The following CCNF variants were observed in gnomAD, a reference collection of about 807,000 sequenced individuals.
CCNF encodes the protein cyclin F, also known as cyclin-F.
A neutral mutation model predicts 85.4 loss-of-function variants in CCNF; 30 were observed. The observed-to-expected ratio is 0.35, with a 90% confidence interval of 0.26 to 0.48. The LOEUF (loss-of-function observed/expected upper bound fraction) is 0.48, where lower values mean the gene tolerates loss of function less well. CCNF is among the 20% of genes least tolerant of loss of function. CCNF has a pLI of 0.99. For synonymous variants in CCNF, 439 were observed against 425.1 expected (o/e 1.03, Z -0.40); for missense variants, 919 against 1,010.4 (o/e 0.91, Z 1.23).
chr16:2,456,406 C>G lies in CCNF; in HGVS notation c.1886-139C>G. On this transcript the variant is annotated intron_variant, in intron 16 of 16. Transcript: ENST00000397066. The surrounding 1 kb of genome is among the most constrained non-coding windows in gnomAD (Gnocchi z 4.5). ...TGGAAGAGGCATGTCACCCACGCTT[C>G]TCACCACAGGAGGGTAACACAGGGG... The G allele has an allele frequency of 1.9e-6, 1 of 538,196 alleles. No homozygotes were observed. Among genetic ancestry groups the G allele is most frequent in the Non-Finnish European group, 3.1e-6 (1 of 318,162 alleles). 33.3% of individuals were successfully genotyped at this position (538,196 alleles called of 1,614,324 possible).
intron 8 of CCNF, among the ~76,000 whole-genome samples, chr16:2,440,496 T>C (rs944633872): frequency 2.0e-5 from 3 of 151,842 alleles, no homozygotes; most frequent in African/African-American, 7.3e-5. Context: ...AGGCACCTGA[T>C]ACTCAGGAAG....
rs886682111 is a variant in CCNF at position 2,451,414 on chromosome 16, C to T, written c.1487+1499C>T. ...ACAAGCACGGGGCTGAATTTGTACCCGGCCAGCCATCTCCGTCTCCCCTCC... is the reference window on the plus strand; with the variant it reads ...ACAAGCACGGGGCTGAATTTGTACCTGGCCAGCCATCTCCGTCTCCCCTCC... On this transcript the variant is annotated intron_variant, in intron 13 of 16. Transcript: ENST00000397066. The surrounding 1 kb of genome is among the most constrained non-coding windows in gnomAD (Gnocchi z 4.3). Among the ~76,000 whole-genome samples the T allele has an allele frequency of 4.6e-5, 7 of 152,100 alleles. No homozygotes were observed. The highest frequency in any genetic ancestry group is 2.1e-4 in the South Asian group (1 of 4,824).
chr16:2,441,966 TA>T lies in CCNF; in HGVS notation c.778-1682del, dbSNP rs1567385691. ...ATATATATATATATATATATATATA[TA>T]TATATATATATATATGTTTTTGTTT... On this transcript the variant is annotated intron_variant, in intron 8 of 16. Transcript: ENST00000397066. Among the ~76,000 whole-genome samples the T allele has an allele frequency of 1.3e-3, 176 of 133,922 alleles. 1 individual carries two copies. The highest frequency in any genetic ancestry group is 4.3e-3 in the African/African-American group (154 of 35,464). 87.9% of individuals were successfully genotyped at this position (133,922 alleles called of 152,430 possible).
At chr16:2,433,139 C>A in intron 3 of CCNF, 72 bp downstream of exon 3, 1 of 923,388 alleles carries the variant, frequency 1.1e-6, no homozygotes, top group Middle Eastern at 2.2e-4. Flanking sequence ...CTGTGTCTCA[C>A]GGCCTGATTC....
In CCNF at chr16:2,435,837, G is replaced by T. The variant is rs2065287981; in HGVS notation, c.310G>T (p.Val104Leu). 2 of 1,613,734 alleles carry T rather than the reference G, an allele frequency of 1.2e-6. No individual in the cohort carries two copies. Among genetic ancestry groups the T allele is most frequent in the East Asian group, 2.2e-5 (1 of 44,896 alleles). Residue 104 changes from valine to leucine, a missense_variant, in exon 4 of 17, where the codon GTG becomes TTG. By Grantham distance (32) the Val-to-Leu change is conservative. This residue lies in a region of CCNF where 410 missense variants were observed against 478.6 expected (regional missense o/e 0.86). Transcript: ENST00000397066. ...AAEKGNFEAA[V>L]KLGIAYLYNE... ...TGAAAAGGGGAATTTCGAAGCTGCT[G>T]TGAAGCTGGGCATAGCCTACCTCTA...
chr16:2,442,911 A>T (rs1448040581), intron 8 of CCNF, among the ~76,000 whole-genome samples: 1 of 78,366 alleles, frequency 1.3e-5, no homozygotes, highest in Non-Finnish European at 2.1e-5. Context: ...TATAATATAT[A>T]AATATATATT....
At chr16:2,437,080 T>G (rs1343478140) in intron 4 of CCNF, 49 bp from the exon 5 acceptor site, 7 of 1,445,332 alleles carry the variant, frequency 4.8e-6, no homozygotes, top group Non-Finnish European at 6.5e-6. Context: ...GCTTTCCACA[T>G]TCCGTCCCTA....
At chr16:2,439,107 G>A (rs1468850900) in intron 6 of CCNF, among the ~76,000 whole-genome samples, 1 of 151,464 alleles carries the variant, frequency 6.6e-6, no homozygotes, top group East Asian at 1.9e-4. Flanking sequence ...AGACCAGCCT[G>A]GCCAACATGG....
At position 2,456,492 on chromosome 16, in the gene CCNF, TC is replaced by T; in HGVS notation, c.1886-49del. 7.7e-7 allele frequency: 1 copy of T among 1,291,972 alleles called. No homozygotes were observed. Among genetic ancestry groups the T allele is most frequent in the South Asian group, 1.5e-5 (1 of 67,366 alleles). The allele number at this position is 1,291,972 out of a possible 1,614,324, so 80.0% of individuals were successfully genotyped here. ...CAGGGTCCTGACCTGGCAGGGGGTC[TC>T]CCCTGATGCTTGGGTGTGACATGAC... On this transcript the variant is annotated intron_variant, in intron 16 of 16. Transcript: ENST00000397066. The surrounding 1 kb of genome is among the most constrained non-coding windows in gnomAD (Gnocchi z 4.5).
chr16:2,438,012 G>T, intron 5 of CCNF, 58 bp from the exon 6 acceptor site: 3 of 1,195,324 alleles, frequency 2.5e-6, no homozygotes, highest in South Asian at 1.2e-5. Context: ...CAAGGGAGTG[G>T]TGGCCCCCGG....
At chr16:2,445,854 A>G (rs2065359724) in intron 10 of CCNF, among the ~76,000 whole-genome samples, 1 of 151,536 alleles carries the variant, frequency 6.6e-6, no homozygotes, top group Non-Finnish European at 1.5e-5. Context: ...CAGCCTCCAG[A>G]GTAGCTGGGA....
rs1264439440 is a variant in CCNF at position 2,456,280 on chromosome 16, C to G, written c.1886-265C>G. 1 of 426,110 alleles carries G rather than the reference C, an allele frequency of 2.3e-6. No individual in the cohort carries two copies. Among genetic ancestry groups the G allele is most frequent in the Non-Finnish European group, 4.2e-6 (1 of 239,326 alleles). 26.4% of individuals were successfully genotyped at this position (426,110 alleles called of 1,614,324 possible). ...GAAGCCCAGTTAGTGTGAGTCCTGT[C>G]AGTTTCCCGGTTGCTTGCTTCTGCG... On this transcript the variant is annotated intron_variant, in intron 16 of 16. Transcript: ENST00000397066. The surrounding 1 kb of genome is among the most constrained non-coding windows in gnomAD (Gnocchi z 4.5).
In CCNF at chr16:2,456,285, T is replaced by C. The variant is rs2065427136; in HGVS notation, c.1886-260T>C. On this transcript the variant is annotated intron_variant, in intron 16 of 16. Transcript: ENST00000397066. The surrounding 1 kb of genome is among the most constrained non-coding windows in gnomAD (Gnocchi z 4.5). The stretch of plus-strand genomic sequence containing the variant: ...CCAGTTAGTGTGAGTCCTGTCAGTT[T>C]CCCGGTTGCTTGCTTCTGCGTCCAC... 2 of 431,542 alleles carry C rather than the reference T, an allele frequency of 4.6e-6. No homozygotes were observed. The highest frequency in any genetic ancestry group is 8.2e-6 in the Non-Finnish European group (2 of 242,588). The allele number at this position is 431,542 out of a possible 1,614,324, so 26.7% of individuals were successfully genotyped here.
intron 11 of CCNF, 134 bp downstream of exon 11, chr16:2,449,112 C>T: frequency 6.8e-7 from 1 of 1,475,562 alleles, no homozygotes; most frequent in Non-Finnish European, 9.4e-7. Flanking sequence ...TGCCCAAAGC[C>T]ATGGAGCAGG....
In CCNF at chr16:2,451,790, C is replaced by T. The variant is rs1422826730; in HGVS notation, c.1488-1420C>T. Among the ~76,000 whole-genome samples, 1 of 152,212 alleles carries T rather than the reference C, an allele frequency of 6.6e-6. No homozygotes were observed. Among genetic ancestry groups the T allele is most frequent in the Non-Finnish European group, 1.5e-5 (1 of 68,034 alleles). Reference sequence around the variant, plus strand: ...CGGCTTCCTGCCCTAGGCCATGCGGCCTAGGTGTTGGTCTCCCTTCCCACC... The same window carrying T: ...CGGCTTCCTGCCCTAGGCCATGCGGTCTAGGTGTTGGTCTCCCTTCCCACC... On this transcript the variant is annotated intron_variant, in intron 13 of 16. Coordinates refer to ENST00000397066, the MANE Select transcript of CCNF (RefSeq NM_001761.3). The surrounding 1 kb of genome is among the most constrained non-coding windows in gnomAD (Gnocchi z 4.3).
chr16:2,444,579 C>T (rs1567387270), intron 9 of CCNF, among the ~76,000 whole-genome samples: 1 of 150,160 alleles, frequency 6.7e-6, no homozygotes, highest in Non-Finnish European at 1.5e-5. Flanking sequence ...GGATTACAGG[C>T]GTGAGCCACC....
At chr16:2,442,957 ATT>A (rs1213180716) in intron 8 of CCNF, among the ~76,000 whole-genome samples, 1 of 100,206 alleles carries the variant, frequency 1.0e-5, no homozygotes, top group Admixed American at 1.7e-4. Flanking sequence ...TATATTATAT[ATT>A]TTTATATATT....
In CCNF at chr16:2,441,937, TTATATATATATATATATATATATATATA is replaced by T. The variant is rs55737759; in HGVS notation, c.778-1694_778-1667del. ...ATTTTGGGCTCATGATATTAGCAAA[TTATATATATATATATATATATATATATA>T]TATATATATATATATATGTTTTTGT... is the stretch of plus-strand genomic sequence containing the variant. On this transcript the variant is annotated intron_variant, in intron 8 of 16. Transcript: ENST00000397066. Among the ~76,000 whole-genome samples, 280 of 60,154 alleles carry T rather than the reference TTATATATATATATATATATATATATATA, an allele frequency of 4.7e-3. 7 individuals carry two copies. The highest frequency in any genetic ancestry group is 7.0e-3 in the African/African-American group (89 of 12,762). 39.5% of individuals were successfully genotyped at this position (60,154 alleles called of 152,430 possible). A position where few individuals can be genotyped will look rare whatever the true frequency, so the allele number is the denominator to read the frequency against.
Position 2,445,726 on chromosome 16 carries a change from G to GTTTT in CCNF, c.1094+106_1094+107insTTTT, listed in dbSNP as rs141290345. ...CCTCACTGGTTTGGTTTTGTTTTGTGTTGTTTTTTTTTTTTTCCCGAGACC... is the reference window on the plus strand; with the variant it reads ...CCTCACTGGTTTGGTTTTGTTTTGTGTTTTTTGTTTTTTTTTTTTTCCCGAGACC... On this transcript the variant is annotated intron_variant, in intron 10 of 16. Coordinates refer to ENST00000397066, the MANE Select transcript of CCNF (RefSeq NM_001761.3). The GTTTT allele has an allele frequency of 8.2e-3, 6,842 of 829,376 alleles. 109 individuals are homozygous for GTTTT. Among genetic ancestry groups the GTTTT allele is most frequent in the Middle Eastern group, 0.022 (57 of 2,646 alleles). The allele number at this position is 829,376 out of a possible 1,614,324, so 51.4% of individuals were successfully genotyped here.
Sources: allele counts gnomAD v4.1 joint callset (sites outside exome capture counted in the v4.1 genomes callset), GRCh38; gene constraint gnomAD v4.1.1; regional missense constraint gnomAD v4.1.1; non-coding constraint Gnocchi (gnomAD v3.1); transcripts MANE v1.5; gene names NCBI Gene and HGNC (gene_info 2026-07-23, HGNC 2026-07-21).